CPS1: variants seen among roughly 807,000 people sequenced by gnomAD.
CPS1 encodes carbamoyl-phosphate synthase [ammonia], mitochondrial.
A neutral mutation model predicts 174.6 loss-of-function variants in CPS1; 109 were observed. That is an observed-to-expected ratio of 0.62 (90% confidence interval 0.53 to 0.73). CPS1 has a LOEUF of 0.73. Among genes scored for constraint, CPS1 ranks in the 30% least tolerant of loss-of-function variants. The pLI is 0.00. For synonymous variants in CPS1, 637 were observed against 632.0 expected, an observed-to-expected ratio of 1.01 and a Z score of -0.12; for missense variants, 1,689 against 1,821.9, an observed-to-expected ratio of 0.93 and a Z score of 1.33.
chr2:210,547,588 G>C (rs928804218), intron 1 of CPS1, among the ~76,000 whole-genome samples: 2 of 151,980 alleles, frequency 1.3e-5, no homozygotes, highest in Admixed American at 6.6e-5. Flanking sequence ...GATGTCAGAA[G>C]TGCTTTGATT....
rs774484322 is a variant in CPS1, at chr2:210,599,562, G to T, written c.1549+1G>T. On this transcript the variant is annotated splice_donor_variant, in intron 14 of 37. Coordinates refer to ENST00000233072, the MANE Select transcript of CPS1 (RefSeq NM_001875.5). LOFTEE classifies it high-confidence loss of function. ...GGTGGCCAGACAGCTCTGAACTGTG[G>T]TGAGTTCTTATAAGCTTAATTGCAG... The T allele has an allele frequency of 2.5e-6, 4 of 1,612,064 alleles. No individual in the cohort carries two copies. The highest frequency in any genetic ancestry group is 2.5e-6 in the Non-Finnish European group (3 of 1,178,772).
intron 1 of CPS1, among the ~76,000 whole-genome samples, chr2:210,549,988 A>G (rs1291810451): frequency 6.6e-6 from 1 of 152,044 alleles, no homozygotes; most frequent in Non-Finnish European, 1.5e-5. Context: ...AAGATGCAAG[A>G]TAGAAACATA....
At chr2:210,577,960 C>G (rs1260059917) in intron 4 of CPS1, among the ~76,000 whole-genome samples, 1 of 152,050 alleles carries the variant, frequency 6.6e-6, no homozygotes, top group African/African-American at 2.4e-5. Flanking sequence ...TGCATCATCT[C>G]TCATTCTTAT....
chr2:210,665,259 G>A (rs75851042), intron 33 of CPS1, among the ~76,000 whole-genome samples: 3,862 of 152,118 alleles, frequency 0.025, 87 homozygotes, highest in Admixed American at 0.045. Flanking sequence ...AACTTTTCTT[G>A]CACAGAAATT....
At chr2:210,600,876 A>G (rs957141078) in intron 15 of CPS1, among the ~76,000 whole-genome samples, 164 bp downstream of exon 15, 1 of 151,958 alleles carries the variant, frequency 6.6e-6, no homozygotes. Context: ...ACAGCACTCA[A>G]TGCTGAAATT....
intron 5 of CPS1, 40 bp downstream of exon 5, chr2:210,579,810 GT>G: frequency 1.6e-5 from 11 of 668,270 alleles, no homozygotes; most frequent in African/African-American, 1.6e-4. Context: ...GTTTCTTCGG[GT>G]GTGTGTGTGT....
At chr2:210,518,347 T>A (rs1695734469) in intron 1 of CPS1, among the ~76,000 whole-genome samples, 1 of 151,938 alleles carries the variant, frequency 6.6e-6, no homozygotes, top group South Asian at 2.1e-4. Flanking sequence ...TTTTCCTTAG[T>A]AAAAGAAGAC....
At chr2:210,584,588 T>G (rs1196597032) in intron 6 of CPS1, among the ~76,000 whole-genome samples, 1 of 152,042 alleles carries the variant, frequency 6.6e-6, no homozygotes, top group Non-Finnish European at 1.5e-5. Flanking sequence ...TCAAGGAAAA[T>G]AATAACAACC....
In CPS1 at chr2:210,621,029, A is replaced by G. The variant is rs533297303; in HGVS notation, c.2687+4488A>G. On this transcript the variant is annotated intron_variant, in intron 21 of 37. Transcript: ENST00000233072. The stretch of plus-strand genomic sequence containing the variant: ...ATATCTATTCTTACCAGCTTAGGTA[A>G]TAACCATTATTTAGACAGCTTCAGC... Among the ~76,000 whole-genome samples, 271 of 152,216 alleles carry G rather than the reference A, an allele frequency of 1.8e-3. 3 individuals carry two copies. The highest frequency in any genetic ancestry group is 6.1e-3 in the African/African-American group (253 of 41,546).
At chr2:210,674,093 A>G (rs917691563) in intron 34 of CPS1, 1 of 152,290 alleles carries the variant, frequency 6.6e-6, no homozygotes, top group Non-Finnish European at 1.5e-5. Context: ...AGTTCCAAAG[A>G]TTGAGTTATT....
intron 1 of CPS1, among the ~76,000 whole-genome samples, chr2:210,564,447 C>T (rs1401946805): frequency 6.6e-6 from 1 of 151,940 alleles, no homozygotes; most frequent in Non-Finnish European, 1.5e-5. Flanking sequence ...GCGATCTCGG[C>T]TCACTGCAAG....
At chr2:210,505,011 A>G (rs975510174) in intron 1 of CPS1, among the ~76,000 whole-genome samples, 4 of 152,050 alleles carry the variant, frequency 2.6e-5, no homozygotes, top group Admixed American at 6.5e-5. Context: ...CTCGTTGGTC[A>G]TACATTAACC....
At chr2:210,623,883 G>A (rs1699616266) in intron 21 of CPS1, among the ~76,000 whole-genome samples, 1 of 152,010 alleles carries the variant, frequency 6.6e-6, no homozygotes, top group African/African-American at 2.4e-5. Flanking sequence ...GAAGTTTCTG[G>A]GGGAAAAGTG....
intron 33 of CPS1, among the ~76,000 whole-genome samples, chr2:210,666,834 T>C (rs1038140294): frequency 6.6e-6 from 1 of 152,184 alleles, no homozygotes; most frequent in African/African-American, 2.4e-5. Context: ...CCATATGAAC[T>C]TTAAAGTAGT....
intron 32 of CPS1, 137 bp downstream of exon 32, chr2:210,660,792 A>C (rs960375693): frequency 1.1e-6 from 1 of 884,788 alleles, no homozygotes; most frequent in African/African-American, 1.7e-5. Flanking sequence ...TCCTTTCAAT[A>C]ATGTACTGCA....
intron 5 of CPS1, among the ~76,000 whole-genome samples, chr2:210,580,826 A>T (rs1015293390): frequency 3.3e-5 from 5 of 149,986 alleles, no homozygotes; most frequent in African/African-American, 1.2e-4. Context: ...ATGCCACTGC[A>T]CTCCAACCTG....
At chr2:210,594,476 G>A in intron 11 of CPS1, 32 bp from the exon 12 acceptor site, 2 of 1,469,068 alleles carry the variant, frequency 1.4e-6, no homozygotes, top group South Asian at 2.3e-5. Context: ...GAATTTTGAA[G>A]CTTCTAACTA....
At chr2:210,507,180 C>T (rs183960666) in intron 1 of CPS1, among the ~76,000 whole-genome samples, 13 of 152,272 alleles carry the variant, frequency 8.5e-5, no homozygotes, top group East Asian at 1.9e-4. Flanking sequence ...ATGGATCTCT[C>T]GGCAGAAACT....
At chr2:210,548,199 C>T (rs960259709) in intron 1 of CPS1, among the ~76,000 whole-genome samples, 6 of 151,884 alleles carry the variant, frequency 4.0e-5, no homozygotes, top group Non-Finnish European at 8.8e-5. Flanking sequence ...ACCTTTGTTT[C>T]TCTCATTTGT....
Sources: allele counts gnomAD v4.1 joint callset (sites outside exome capture counted in the v4.1 genomes callset), GRCh38; gene constraint gnomAD v4.1.1; transcripts MANE v1.5; gene names NCBI Gene and HGNC (gene_info 2026-07-23, HGNC 2026-07-21).